C3orf70: variants seen among roughly 807,000 people sequenced by gnomAD.
C3orf70 encodes chromosome 3 open reading frame 70, also known as UPF0524 protein C3orf70.
In C3orf70, 15 loss-of-function variants were observed where a neutral mutation model predicts 20.7. The ratio of observed to expected loss-of-function variants is 0.72; its 90% CI spans 0.48 to 1.11. C3orf70 has a LOEUF of 1.11. C3orf70 is among the 50% of genes most tolerant of loss of function. The pLI is 0.00. For missense variants in C3orf70, 332 were observed against 317.6 expected (o/e 1.05, Z -0.34); for synonymous variants, 161 against 125.7 (o/e 1.28, Z -1.88).
intron 1 of C3orf70, among the ~76,000 whole-genome samples, chr3:185,134,384 A>G (rs181159698): frequency 3.5e-3 from 527 of 152,294 alleles, no homozygotes; most frequent in Non-Finnish European, 5.3e-3. Context: ...TAGACATTAC[A>G]TATAAAACAA....
intron 1 of C3orf70, among the ~76,000 whole-genome samples, chr3:185,143,820 C>A (rs1377532784): frequency 6.6e-6 from 1 of 152,202 alleles, no homozygotes; most frequent in South Asian, 2.1e-4. Context: ...CTCTATAATA[C>A]TTGAATCCTT....
At position 185,082,652 on chromosome 3, in the gene C3orf70, A is replaced by G; in HGVS notation, c.*355T>C. 1 of 233,336 alleles carries G rather than the reference A, an allele frequency of 4.3e-6. No individual in the cohort carries two copies. Among genetic ancestry groups the G allele is most frequent in the Non-Finnish European group, 8.4e-6 (1 of 119,122 alleles). 14.5% of individuals were successfully genotyped at this position (233,336 alleles called of 1,614,324 possible). On this transcript the variant is annotated 3_prime_UTR_variant, in exon 2 of 2. Transcript: ENST00000335012. ...TCTCTGTGAAGGACTGGCTACCGAG[A>G]AAACACCGGCTCCTTCCCTTTCGGT... is the stretch of plus-strand genomic sequence containing the variant.
chr3:185,139,550 C>CAA (rs35792284), intron 1 of C3orf70, among the ~76,000 whole-genome samples: 1,762 of 135,604 alleles, frequency 0.013, 16 homozygotes, highest in African/African-American at 0.027. Flanking sequence ...AAGACTGTCT[C>CAA]AAAAAAAAAA....
intron 1 of C3orf70, among the ~76,000 whole-genome samples, chr3:185,105,695 A>G (rs28851223): frequency 0.052 from 7,894 of 152,240 alleles, 660 homozygotes; most frequent in African/African-American, 0.18. Context: ...GGGTCTCCCC[A>G]ACCGAGCTGG....
Position 185,082,065 on chromosome 3 carries a change from C to T in C3orf70, c.*942G>A, listed in dbSNP as rs1715350442. 2.0e-5 allele frequency: 3 copies of T among 152,078 alleles called. No homozygotes were observed. The highest frequency in any genetic ancestry group is 4.2e-4 in the South Asian group (2 of 4,816). 9.4% of individuals were successfully genotyped at this position (152,078 alleles called of 1,614,324 possible). On this transcript the variant is annotated 3_prime_UTR_variant, in exon 2 of 2. Coordinates refer to ENST00000335012, the MANE Select transcript of C3orf70 (RefSeq NM_001025266.3). ...CCTAAATGTGATACCTATATAACTT[C>T]CTAAGAGTTTTTCCCAGACTTGAAG... is the stretch of plus-strand genomic sequence containing the variant.
intron 1 of C3orf70, among the ~76,000 whole-genome samples, chr3:185,141,154 A>G (rs1037170367): frequency 6.6e-6 from 1 of 152,054 alleles, no homozygotes; most frequent in African/African-American, 2.4e-5. Flanking sequence ...ACAAACTTCT[A>G]TTGTTTATAA....
chr3:185,079,862 A>G lies in C3orf70; in HGVS notation c.*3145T>C, dbSNP rs1715293645. 6.6e-6 allele frequency: 1 copy of G among 152,664 alleles called. No homozygotes were observed. The highest frequency in any genetic ancestry group is 1.5e-5 in the Non-Finnish European group (1 of 68,040). 9.5% of individuals were successfully genotyped at this position (152,664 alleles called of 1,614,324 possible). On this transcript the variant is annotated 3_prime_UTR_variant, in exon 2 of 2. Transcript: ENST00000335012. ...GTCAGTCAGTGTGCAAGTGTTAACC[A>G]CTTCATGTGACTGAGTTCAATGTTA...
At chr3:185,105,299 A>G (rs1030070275) in intron 1 of C3orf70, among the ~76,000 whole-genome samples, 3 of 152,250 alleles carry the variant, frequency 2.0e-5, no homozygotes, top group Admixed American at 6.5e-5. Flanking sequence ...CATGATGGTC[A>G]TAACACCCAT....
chr3:185,152,553 C>T (rs1008543626), intron 1 of C3orf70, 75 bp downstream of exon 1: 5 of 1,382,340 alleles, frequency 3.6e-6, no homozygotes, highest in Non-Finnish European at 4.9e-6. Flanking sequence ...CGCAGAGTTC[C>T]GGCAGCGACC....
chr3:185,087,826 A>C (rs919479960), intron 1 of C3orf70, among the ~76,000 whole-genome samples: 2 of 152,226 alleles, frequency 1.3e-5, no homozygotes, highest in African/African-American at 4.8e-5. Flanking sequence ...TATTTTACCA[A>C]AATTTACCAA....
chr3:185,126,732 T>A (rs1193361442), intron 1 of C3orf70, among the ~76,000 whole-genome samples: 1 of 152,196 alleles, frequency 6.6e-6, no homozygotes, highest in Non-Finnish European at 1.5e-5. Context: ...TGGGTCCTAG[T>A]GCAAAACGAA....
intron 1 of C3orf70, among the ~76,000 whole-genome samples, chr3:185,129,688 G>A (rs1716489184): frequency 6.6e-6 from 1 of 152,190 alleles, no homozygotes; most frequent in African/African-American, 2.4e-5. Context: ...CAGTGCAGAA[G>A]CATTCCCTTT....
Position 185,083,651 on chromosome 3 carries a change from T to TA in C3orf70, c.197-89dup, listed in dbSNP as rs896931992. 7.0e-5 allele frequency: 80 copies of TA among 1,138,428 alleles called. No homozygotes were observed. The African/African-American group carries it at 1.1e-3, about 15-fold the overall frequency. 70.5% of individuals were successfully genotyped at this position (1,138,428 alleles called of 1,614,324 possible). On this transcript the variant is annotated intron_variant, in intron 1 of 1. Coordinates refer to ENST00000335012, the MANE Select transcript of C3orf70 (RefSeq NM_001025266.3). Reference sequence around the variant, plus strand: ...ATGGTTTCTGAGGACTCAATGTCTTTAAAAATATTTCAGTAACACCTCAAA... The same window carrying TA: ...ATGGTTTCTGAGGACTCAATGTCTTTAAAAAATATTTCAGTAACACCTCAAA...
chr3:185,150,700 T>C (rs777114730), intron 1 of C3orf70, among the ~76,000 whole-genome samples: 9 of 152,290 alleles, frequency 5.9e-5, no homozygotes, highest in African/African-American at 7.2e-5. Context: ...TGTTCAACTC[T>C]AGACTGATCA....
rs1363254617 is a variant in C3orf70 at position 185,082,908 on chromosome 3, G to A, written c.*99C>T. The A allele has an allele frequency of 1.6e-6, 2 of 1,236,096 alleles. No homozygotes were observed. The highest frequency in any genetic ancestry group is 2.3e-6 in the Non-Finnish European group (2 of 874,572). The allele number at this position is 1,236,096 out of a possible 1,614,324, so 76.6% of individuals were successfully genotyped here. ...CGGTTGTTGGTTGGAGCGGGGCGGG[G>A]TGGGTAGAAAATATCAACAGCATTG... is the stretch of plus-strand genomic sequence containing the variant. On this transcript the variant is annotated 3_prime_UTR_variant, in exon 2 of 2. Coordinates refer to ENST00000335012, the MANE Select transcript of C3orf70 (RefSeq NM_001025266.3).
chr3:185,103,172 G>C (rs1715856010), intron 1 of C3orf70, among the ~76,000 whole-genome samples: 1 of 152,286 alleles, frequency 6.6e-6, no homozygotes, highest in South Asian at 2.1e-4. Context: ...TTGAATCTGG[G>C]AGGCGGAGGT....
At chr3:185,147,669 A>C (rs1423602592) in intron 1 of C3orf70, among the ~76,000 whole-genome samples, 1 of 152,222 alleles carries the variant, frequency 6.6e-6, no homozygotes, top group Non-Finnish European at 1.5e-5. Context: ...ATTGGCTATT[A>C]AGTGCTCAGC....
intron 1 of C3orf70, among the ~76,000 whole-genome samples, chr3:185,119,187 T>C (rs1264462260): frequency 6.6e-6 from 1 of 152,218 alleles, no homozygotes; most frequent in Non-Finnish European, 1.5e-5. Context: ...CACATTTTAG[T>C]ACTATGAGGT....
At chr3:185,086,134 G>C (rs546603390) in intron 1 of C3orf70, among the ~76,000 whole-genome samples, 1 of 152,246 alleles carries the variant, frequency 6.6e-6, no homozygotes, top group East Asian at 1.9e-4. Flanking sequence ...GGCTTTATTT[G>C]TCCAAAGATA....
Sources: gnomAD v4.1 joint callset for allele counts (sites outside exome capture counted in the v4.1 genomes callset) on GRCh38, gnomAD v4.1.1 for gene constraint, MANE v1.5 for transcripts, NCBI Gene and HGNC (gene_info 2026-07-23, HGNC 2026-07-21) for gene names.